Variants in MAP2 observed in about 807,000 individuals in gnomAD.
The protein encoded by MAP2 is microtubule associated protein 2.
In MAP2, 14 loss-of-function variants were observed where a neutral mutation model predicts 137.6. That is an observed-to-expected ratio of 0.10 (90% CI 0.07 to 0.16). The LOEUF is 0.16. Ranked by LOEUF, MAP2 falls within the 10% of genes least tolerant of loss-of-function variation. The pLI is 1.00. For missense variants in MAP2, 2,088 were observed against 2,191.5 expected, an observed-to-expected ratio of 0.95 and a Z score of 0.94; for synonymous variants, 786 against 782.3, an observed-to-expected ratio of 1.00 and a Z score of -0.08.
intron 1 of MAP2, among the ~76,000 whole-genome samples, chr2:209,471,149 C>A (rs1451588647): frequency 6.6e-6 from 1 of 152,114 alleles, no homozygotes; most frequent in Non-Finnish European, 1.5e-5. Flanking sequence ...ACCTCAAATA[C>A]ACCATGTTTC....
At chr2:209,497,143 A>C (rs996713810) in intron 1 of MAP2, among the ~76,000 whole-genome samples, 3 of 152,066 alleles carry the variant, frequency 2.0e-5, no homozygotes, top group Non-Finnish European at 2.9e-5. Context: ...GCCCCACCCC[A>C]TCCATATGTT....
chr2:209,558,820 T>C (rs766560788), intron 2 of MAP2, among the ~76,000 whole-genome samples: 1 of 152,060 alleles, frequency 6.6e-6, no homozygotes, highest in Non-Finnish European at 1.5e-5. Flanking sequence ...GCCAGTTGTC[T>C]TGAAGACTGT....
intron 2 of MAP2, among the ~76,000 whole-genome samples, chr2:209,572,526 T>G (rs528796091): frequency 1.3e-5 from 2 of 152,096 alleles, no homozygotes; most frequent in African/African-American, 2.4e-5. Context: ...AAATTTTAAG[T>G]AAGTTAATAG....
intron 1 of MAP2, among the ~76,000 whole-genome samples, chr2:209,467,406 A>G (rs1434555529): frequency 6.6e-6 from 1 of 152,128 alleles, no homozygotes; most frequent in African/African-American, 2.4e-5. Flanking sequence ...TTCAGCTTCC[A>G]ACAACATACC....
intron 3 of MAP2, among the ~76,000 whole-genome samples, chr2:209,596,129 A>AAATGG (rs2081233416): frequency 6.6e-6 from 1 of 152,212 alleles, no homozygotes; most frequent in African/African-American, 2.4e-5. Flanking sequence ...GAAAAAAAAG[A>AAATGG]AAATAAAAAT....
At chr2:209,506,300 G>T (rs1271089843) in intron 1 of MAP2, among the ~76,000 whole-genome samples, 1 of 152,076 alleles carries the variant, frequency 6.6e-6, no homozygotes, top group African/African-American at 2.4e-5. Flanking sequence ...ATATTCAGTT[G>T]TATTTTCTGT....
intron 1 of MAP2, among the ~76,000 whole-genome samples, chr2:209,434,970 C>T (rs1356309777): frequency 7.4e-6 from 1 of 135,484 alleles, no homozygotes. Flanking sequence ...AGCAAATCAA[C>T]AAATAATTCA....
chr2:209,557,259 T>C (rs1466099198), intron 2 of MAP2, among the ~76,000 whole-genome samples: 2 of 152,214 alleles, frequency 1.3e-5, no homozygotes, highest in African/African-American at 4.8e-5. Context: ...TTCTCTCACA[T>C]AATGGGAGCA....
chr2:209,482,558 C>A (rs56949712), intron 1 of MAP2, among the ~76,000 whole-genome samples: 9,109 of 152,170 alleles, frequency 0.06, 928 homozygotes, highest in African/African-American at 0.21. Flanking sequence ...CAGATTTTTG[C>A]AAACATATTA....
At chr2:209,594,092 G>A (rs961175687) in intron 3 of MAP2, among the ~76,000 whole-genome samples, 1 of 141,546 alleles carries the variant, frequency 7.1e-6, no homozygotes, top group Admixed American at 7.5e-5. Context: ...AGGCTGCAGT[G>A]AGCTATGATT....
In MAP2 at chr2:209,574,432, T is replaced by TACACACACACACACACAC. The variant is rs57166815; in HGVS notation, c.-171-5592_-171-5575dup. Among the ~76,000 whole-genome samples the TACACACACACACACACAC allele has an allele frequency of 2.7e-3, 399 of 148,778 alleles. 1 individual carries two copies. Among genetic ancestry groups the TACACACACACACACACAC allele is most frequent in the African/African-American group, 9.4e-3 (380 of 40,468 alleles). ...CTTTTTTAGAGCTGCATAGTATAGA[T>TACACACACACACACACAC]ACACACACACACACACACACACACA... On this transcript the variant is annotated intron_variant, in intron 2 of 15. Coordinates refer to ENST00000682079, the MANE Select transcript of MAP2 (RefSeq NM_001375505.1).
At chr2:209,704,446 C>T (rs766630330) in intron 11 of MAP2, 8 of 1,596,152 alleles carry the variant, frequency 5.0e-6, no homozygotes, top group Non-Finnish European at 8.5e-7. Flanking sequence ...TCTTTCATGG[C>T]TAGAATTCTA....
chr2:209,450,513 CT>C (rs1321060374), intron 1 of MAP2, among the ~76,000 whole-genome samples: 2 of 152,192 alleles, frequency 1.3e-5, no homozygotes, highest in Non-Finnish European at 2.9e-5. Flanking sequence ...CTAATATCTA[CT>C]TCCTACACTT....
chr2:209,653,036 C>A, intron 4 of MAP2, 106 bp from the exon 5 acceptor site: 1 of 769,508 alleles, frequency 1.3e-6, no homozygotes, highest in Non-Finnish European at 2.0e-6. Flanking sequence ...TTTTCTTTGA[C>A]CATAGAAAGC....
At chr2:209,706,388 C>T (rs1016254087) in intron 12 of MAP2, among the ~76,000 whole-genome samples, 2 of 151,834 alleles carry the variant, frequency 1.3e-5, no homozygotes, top group Admixed American at 6.6e-5. Flanking sequence ...AAATAGCTAC[C>T]GTTTATTGAG....
chr2:209,692,213 T>C (rs527428722), intron 7 of MAP2, among the ~76,000 whole-genome samples: 1 of 152,136 alleles, frequency 6.6e-6, no homozygotes, highest in East Asian at 1.9e-4. Context: ...GTCCTTACTA[T>C]ATATTCTTTT....
intron 5 of MAP2, among the ~76,000 whole-genome samples, chr2:209,675,687 G>A (rs1182714084): frequency 6.6e-6 from 1 of 151,632 alleles, no homozygotes; most frequent in Admixed American, 6.6e-5. Context: ...TGTATCCTAA[G>A]ATACAATCCC....
In MAP2 at chr2:209,731,861, T is replaced by TC. The variant is rs1394647455; in HGVS notation, c.*1466dup. ...ATCTAAATCAGTTTTTTTCCAAGAC[T>TC]CCAACATTGCACTCTGTAAAGTAAC... On this transcript the variant is annotated 3_prime_UTR_variant, in exon 16 of 16. Transcript: ENST00000682079. 1 of 152,022 alleles carries TC rather than the reference T, an allele frequency of 6.6e-6. No individual in the cohort carries two copies. The highest frequency in any genetic ancestry group is 1.9e-4 in the East Asian group (1 of 5,190). 9.4% of individuals were successfully genotyped at this position (152,022 alleles called of 1,614,324 possible). A position where few individuals can be genotyped will look rare whatever the true frequency, so the allele number is the denominator to read the frequency against.
At chr2:209,625,163 C>T (rs916156232) in intron 4 of MAP2, 34 bp downstream of exon 4, 2 of 152,128 alleles carry the variant, frequency 1.3e-5, no homozygotes, top group Non-Finnish European at 2.9e-5. Context: ...GAGTTACCTA[C>T]AAGTGTGAAA....
Sources: gnomAD v4.1 joint callset for allele counts (sites outside exome capture counted in the v4.1 genomes callset) on GRCh38, gnomAD v4.1.1 for gene constraint, MANE v1.5 for transcripts, NCBI Gene and HGNC (gene_info 2026-07-23, HGNC 2026-07-21) for gene names.